Variants in COL4A6 observed in about 807,000 individuals in gnomAD.
COL4A6 encodes the protein collagen type IV alpha 6 chain, also known as collagen alpha-6(IV) chain.
Under a neutral mutation model 126.7 loss-of-function variants are expected in COL4A6, and 59 were observed. The observed-to-expected ratio is 0.47, with a 90% CI of 0.38 to 0.58. The LOEUF (loss-of-function observed/expected upper bound fraction) is 0.58. COL4A6 is among the 20% of genes least tolerant of loss of function. COL4A6 has a pLI of 0.00. For missense variants in COL4A6, 1,285 were observed against 1,337.3 expected (o/e 0.96, Z 0.61); for synonymous variants, 547 against 496.6 (o/e 1.10, Z -1.35).
intron 33 of COL4A6, 60 bp downstream of exon 33, chrX:108,171,327 T>A: frequency 9.5e-7 from 1 of 1,053,462 alleles, no homozygotes; most frequent in Non-Finnish European, 1.3e-6. Flanking sequence ...CAAAATTCCT[T>A]CTAATCCTCA....
intron 8 of COL4A6, among the ~76,000 whole-genome samples, chrX:108,209,024 ATGT>A (rs1477373313): frequency 8.9e-6 from 1 of 111,954 alleles, no homozygotes; most frequent in African/African-American, 3.2e-5. Context: ...AGTACAGTGG[ATGT>A]TGTTCTGTAA....
At chrX:108,327,190 G>A (rs2039176695) in intron 2 of COL4A6, among the ~76,000 whole-genome samples, 1 of 110,640 alleles carries the variant, frequency 9.0e-6, no homozygotes, top group African/African-American at 3.3e-5. Flanking sequence ...GATTCTCATA[G>A]GATCACAAAT....
chrX:108,170,130 T>A lies in COL4A6; in HGVS notation c.3494-114A>T, dbSNP rs777448206. ...CGAGGTCCTTATTTTAAAGTCCTGG[T>A]CTTTTTTGAGGCATTTACTTAATGC... On this transcript the variant is annotated intron_variant, in intron 35 of 44. Transcript: ENST00000334504. 1.9e-5 allele frequency: 12 copies of A among 641,088 alleles called. No individual in the cohort carries two copies. The South Asian group carries it at 3.0e-4, about 16-fold the overall frequency. 52.8% of individuals were successfully genotyped at this position (641,088 alleles called of 1,213,427 possible). A position where few individuals can be genotyped will look rare whatever the true frequency, so the allele number is the denominator to read the frequency against.
intron 3 of COL4A6, among the ~76,000 whole-genome samples, chrX:108,271,525 G>GA (rs1460409447): frequency 8.9e-6 from 1 of 111,791 alleles, no homozygotes; most frequent in African/African-American, 3.3e-5. Flanking sequence ...TCAGTCAGAT[G>GA]AAGAGTAAAT....
At chrX:108,258,053 T>A (rs2037052629) in intron 3 of COL4A6, among the ~76,000 whole-genome samples, 1 of 111,243 alleles carries the variant, frequency 9.0e-6, no homozygotes, top group Admixed American at 9.5e-5. Flanking sequence ...TTTTTATGAG[T>A]GTACACTTAT....
intron 2 of COL4A6, among the ~76,000 whole-genome samples, chrX:108,314,163 C>T (rs1237700990): frequency 9.0e-6 from 1 of 111,652 alleles, no homozygotes; most frequent in African/African-American, 3.3e-5. Flanking sequence ...TGGCAGCCAC[C>T]TAGTAAGTGT....
chrX:108,198,998 C>T (rs1054036669), intron 13 of COL4A6, among the ~76,000 whole-genome samples: 1 of 111,193 alleles, frequency 9.0e-6, no homozygotes, highest in Non-Finnish European at 1.9e-5. Context: ...GGACCTGTGG[C>T]CTACAAGTGT....
In COL4A6 at chrX:108,206,597, T is replaced by C. The variant is rs372002848; in HGVS notation, c.547-17A>G. 8.3e-7 allele frequency: 1 copy of C among 1,199,202 alleles called. No individual in the cohort carries two copies. Among genetic ancestry groups the C allele is most frequent in the African/African-American group, 1.8e-5 (1 of 56,874 alleles). On this transcript the variant is annotated splice_polypyrimidine_tract_variant and intron_variant, in intron 8 of 44. Transcript: ENST00000334504. ...TTGTGGGCCCTAGAGAGGCAAGTTT[T>C]TACCAAGTTCAAAAAGCAAGGCAGT...
At chrX:108,438,506 C>G, upstream of COL4A6, 1 of 962,421 alleles carries the variant, frequency 1.0e-6, no homozygotes, top group East Asian at 4.0e-5. Flanking sequence ...CCTTGGGCAG[C>G]CGGTAGTCTT....
intron 3 of COL4A6, among the ~76,000 whole-genome samples, chrX:108,235,896 G>A (rs975049774): frequency 8.2e-5 from 9 of 110,358 alleles, no homozygotes; most frequent in Non-Finnish European, 1.1e-4. Flanking sequence ...TAAATCCTAC[G>A]ATCTGGGGGA....
chrX:108,430,598 A>AAGTT (rs1478225947), intron 2 of COL4A6, among the ~76,000 whole-genome samples: 3 of 111,889 alleles, frequency 2.7e-5, no homozygotes, highest in Non-Finnish European at 5.6e-5. Flanking sequence ...CTGATGTATG[A>AAGTT]AGTTTGAAAC....
chrX:108,268,494 A>G (rs918418555), intron 3 of COL4A6: 2 of 112,529 alleles, frequency 1.8e-5, no homozygotes, highest in Non-Finnish European at 3.7e-5. Context: ...GCACATATCA[A>G]TAGAGATTCA....
At chrX:108,161,117 C>T (rs1238104012) in intron 42 of COL4A6, among the ~76,000 whole-genome samples, 2 of 112,125 alleles carry the variant, frequency 1.8e-5, no homozygotes, top group African/African-American at 6.5e-5. Context: ...CCATGACAGA[C>T]ATGACAAATC....
intron 23 of COL4A6, among the ~76,000 whole-genome samples, chrX:108,186,478 T>G (rs1449636807): frequency 8.9e-6 from 1 of 112,176 alleles, no homozygotes; most frequent in East Asian, 2.8e-4. Context: ...AACCCAAAAG[T>G]TGGGATGAAC....
At chrX:108,331,563 G>A (rs879127610) in intron 2 of COL4A6, among the ~76,000 whole-genome samples, 1 of 111,872 alleles carries the variant, frequency 8.9e-6, no homozygotes, top group Non-Finnish European at 1.9e-5. Flanking sequence ...TGTTGTATAT[G>A]CCATCCGTCC....
chrX:108,315,027 T>C lies in COL4A6; in HGVS notation c.64-4199A>G, dbSNP rs5973863. Among the ~76,000 whole-genome samples the C allele has an allele frequency of 4.1e-3, 460 of 112,057 alleles. 3 individuals are homozygous for C. The highest frequency in any genetic ancestry group is 0.013 in the African/African-American group (411 of 30,843). ...ATGCCAGTTTGTCTATAGCTGATGT[T>C]CACTTTGCTTGGTCAGGATGTCCAT... On this transcript the variant is annotated intron_variant, in intron 2 of 44. Coordinates refer to ENST00000334504, the MANE Select transcript of COL4A6 (RefSeq NM_033641.4).
chrX:108,422,210 TA>T (rs1777047307), intron 2 of COL4A6, among the ~76,000 whole-genome samples: 1 of 109,530 alleles, frequency 9.1e-6, no homozygotes. Flanking sequence ...AAAAAATTTT[TA>T]AAAAATTAGC....
At chrX:108,188,745 T>C in intron 20 of COL4A6, 68 bp from the exon 21 acceptor site, 5 of 981,643 alleles carry the variant, frequency 5.1e-6, no homozygotes, top group Admixed American at 3.8e-5. Flanking sequence ...GAATTGATCA[T>C]GGTTATTTGT....
At chrX:108,432,526 A>C (rs1381583006) in intron 2 of COL4A6, among the ~76,000 whole-genome samples, 1 of 112,224 alleles carries the variant, frequency 8.9e-6, no homozygotes, top group African/African-American at 3.2e-5. Flanking sequence ...CTCCCTAGTG[A>C]GGTATAATGT....
Sources: gnomAD v4.1 joint callset for allele counts (sites outside exome capture counted in the v4.1 genomes callset) on GRCh38, gnomAD v4.1.1 for gene constraint, MANE v1.5 for transcripts, NCBI Gene and HGNC (gene_info 2026-07-23, HGNC 2026-07-21) for gene names.